Variants in F13A1 observed in about 807,000 individuals in gnomAD.
F13A1 encodes the protein coagulation factor XIII A chain.
F13A1 carries 47 observed loss-of-function variants against 80.1 expected under a neutral mutation model. The ratio of observed to expected loss-of-function variants is 0.59; its 90% CI spans 0.46 to 0.75. The LOEUF is 0.75. Ranked by LOEUF, F13A1 falls within the 30% of genes least tolerant of loss-of-function variation. The pLI is 0.00. For missense variants in F13A1, 817 were observed against 930.4 expected (o/e 0.88, Z 1.59); for synonymous variants, 349 against 344.9 (o/e 1.01, Z -0.13).
chr6:6,279,825 T>G (rs1445410612), intron 3 of F13A1, among the ~76,000 whole-genome samples: 1 of 152,184 alleles, frequency 6.6e-6, no homozygotes, highest in Non-Finnish European at 1.5e-5. Context: ...TAAAGTGTCA[T>G]TAGCCAACAA....
chr6:6,209,961 C>T (rs759811903), intron 8 of F13A1, among the ~76,000 whole-genome samples: 55 of 152,146 alleles, frequency 3.6e-4, no homozygotes, highest in Non-Finnish European at 7.4e-4. Context: ...TGCCGTGGCT[C>T]ATGCCTGTAA....
intron 10 of F13A1, among the ~76,000 whole-genome samples, chr6:6,193,825 T>A (rs558863726): frequency 7.9e-5 from 12 of 152,116 alleles, no homozygotes; most frequent in Non-Finnish European, 1.8e-4. Flanking sequence ...TCTCGTAGCA[T>A]CATAAACTAT....
chr6:6,180,801 GCTT>G lies in F13A1; in HGVS notation c.1459+1184_1459+1186del, dbSNP rs1448548453. Among the ~76,000 whole-genome samples the G allele has an allele frequency of 7.9e-5, 12 of 152,318 alleles. No individual in the cohort carries two copies. In the South Asian group the frequency reaches 1.0e-3, roughly 13 times the overall value. ...TGCACAAGTGTTCTCAATTCAGCAA[GCTT>G]CTTCTTTGTAGTGCAAATTACTTTT... is the stretch of plus-strand genomic sequence containing the variant. On this transcript the variant is annotated intron_variant, in intron 11 of 14. Coordinates refer to ENST00000264870, the MANE Select transcript of F13A1 (RefSeq NM_000129.4).
chr6:6,191,475 C>T (rs6901834), intron 10 of F13A1, among the ~76,000 whole-genome samples: 1 of 152,164 alleles, frequency 6.6e-6, no homozygotes, highest in Non-Finnish European at 1.5e-5. Flanking sequence ...ACACCCTTGC[C>T]TCTTAAGTAC....
Position 6,222,185 on chromosome 6 carries a change from C to A in F13A1, c.974-14G>T, listed in dbSNP as rs1022882190. 6.2e-7 allele frequency: 1 copy of A among 1,613,748 alleles called. No homozygotes were observed. Among genetic ancestry groups the A allele is most frequent in the Non-Finnish European group, 8.5e-7 (1 of 1,179,812 alleles). On this transcript the variant is annotated splice_polypyrimidine_tract_variant and intron_variant, in intron 7 of 14. Transcript: ENST00000264870. The stretch of plus-strand genomic sequence containing the variant: ...GGCATCGTAAAACTACAGGAAAGGA[C>A]AGACCACAGCTAAACACATCACCAG...
chr6:6,145,254 T>C lies in F13A1; in HGVS notation c.*365A>G. 3.4e-6 allele frequency: 1 copy of C among 296,158 alleles called. No individual in the cohort carries two copies. The highest frequency in any genetic ancestry group is 6.5e-6 in the Non-Finnish European group (1 of 153,112). 18.3% of individuals were successfully genotyped at this position (296,158 alleles called of 1,614,324 possible). On this transcript the variant is annotated 3_prime_UTR_variant, in exon 15 of 15. Transcript: ENST00000264870. ...AGGCTGAGTGGGGAATCTGAAGTCT[T>C]GTTTTAAATGAGGCCAGGTATTGAG... is the stretch of plus-strand genomic sequence containing the variant.
At chr6:6,247,920 A>T (rs1009285535) in intron 6 of F13A1, among the ~76,000 whole-genome samples, 1 of 152,212 alleles carries the variant, frequency 6.6e-6, no homozygotes, top group Non-Finnish European at 1.5e-5. Flanking sequence ...TCAGTGTGAA[A>T]ATTGAGAAAA....
chr6:6,304,047 A>G (rs570417803), intron 3 of F13A1, among the ~76,000 whole-genome samples: 12 of 152,316 alleles, frequency 7.9e-5, no homozygotes, highest in African/African-American at 1.2e-4. Flanking sequence ...TAGCAGATGT[A>G]TCTCTTACAT....
intron 3 of F13A1, among the ~76,000 whole-genome samples, chr6:6,296,238 T>C: frequency 6.6e-6 from 1 of 152,026 alleles, no homozygotes; most frequent in Non-Finnish European, 1.5e-5. Context: ...GGCTCTTTTT[T>C]GGTTCCATGT....
At chr6:6,222,240 T>A (rs2113059178) in intron 7 of F13A1, 69 bp from the exon 8 acceptor site, 1 of 1,597,262 alleles carries the variant, frequency 6.3e-7, no homozygotes, top group African/African-American at 1.3e-5. Flanking sequence ...GAAAAAACCC[T>A]TCTTGTAGGG....
intron 3 of F13A1, among the ~76,000 whole-genome samples, chr6:6,277,696 C>T (rs1446215235): frequency 6.6e-6 from 1 of 152,212 alleles, no homozygotes; most frequent in Non-Finnish European, 1.5e-5. Context: ...GGACGATTTA[C>T]CGAAGCTGCA....
chr6:6,242,677 G>A (rs1004442288), intron 6 of F13A1, among the ~76,000 whole-genome samples: 23 of 152,074 alleles, frequency 1.5e-4, no homozygotes, highest in Non-Finnish European at 3.1e-4. Flanking sequence ...TTTCTGAATT[G>A]CAAAACAAAC....
intron 6 of F13A1, among the ~76,000 whole-genome samples, chr6:6,232,340 G>C (rs1757364097): frequency 1.3e-5 from 2 of 152,166 alleles, no homozygotes; most frequent in African/African-American, 4.8e-5. Context: ...AGCAACAGCA[G>C]TTAAAAGAGA....
At chr6:6,186,778 G>C (rs887100189) in intron 10 of F13A1, among the ~76,000 whole-genome samples, 3 of 151,806 alleles carry the variant, frequency 2.0e-5, no homozygotes, top group Non-Finnish European at 2.9e-5. Flanking sequence ...CTGGTAGCTT[G>C]ATGGGGATGG....
chr6:6,146,565 C>T (rs73720311), intron 14 of F13A1, among the ~76,000 whole-genome samples: 6,370 of 152,222 alleles, frequency 0.042, 451 homozygotes, highest in African/African-American at 0.15. Context: ...CTCTGGGGTG[C>T]TTCACATATA....
intron 3 of F13A1, among the ~76,000 whole-genome samples, chr6:6,293,113 A>G (rs1427447046): frequency 6.6e-6 from 1 of 152,086 alleles, no homozygotes; most frequent in Non-Finnish European, 1.5e-5. Flanking sequence ...AGGTCAGGAG[A>G]ATCTCCAAAG....
intron 3 of F13A1, among the ~76,000 whole-genome samples, chr6:6,289,263 C>T (rs921084988): frequency 6.6e-6 from 1 of 152,046 alleles, no homozygotes; most frequent in Non-Finnish European, 1.5e-5. Flanking sequence ...TGAGTCCAAG[C>T]CGCCTCTTTC....
chr6:6,189,987 C>G (rs545327670), intron 10 of F13A1, among the ~76,000 whole-genome samples: 1 of 152,330 alleles, frequency 6.6e-6, no homozygotes, highest in East Asian at 1.9e-4. Flanking sequence ...TTTTCCATCG[C>G]TGATACCCTT....
At chr6:6,303,077 A>G (rs1758458435) in intron 3 of F13A1, among the ~76,000 whole-genome samples, 1 of 152,210 alleles carries the variant, frequency 6.6e-6, no homozygotes, top group African/African-American at 2.4e-5. Flanking sequence ...AAAATCTCAT[A>G]TGGTCTTCTT....
Sources: gnomAD v4.1 joint callset for allele counts (sites outside exome capture counted in the v4.1 genomes callset) on GRCh38, gnomAD v4.1.1 for gene constraint, MANE v1.5 for transcripts, NCBI Gene and HGNC (gene_info 2026-07-23, HGNC 2026-07-21) for gene names.